The following LCA5 variants were observed in gnomAD, a reference collection of about 807,000 sequenced individuals.
LCA5 encodes the protein lebercilin.
LCA5 carries 37 observed loss-of-function variants against 53.0 expected under a neutral mutation model. That is an observed-to-expected ratio of 0.70 (90% CI 0.54 to 0.92). The LOEUF (loss-of-function observed/expected upper bound fraction) is 0.92. LCA5 is among the 40% of genes least tolerant of loss of function. The pLI is 0.00. For synonymous variants in LCA5, 303 were observed against 282.9 expected (o/e 1.07, Z -0.71); for missense variants, 806 against 790.5 (o/e 1.02, Z -0.23).
At chr6:79,489,770 T>C (rs1306443318) in intron 6 of LCA5, among the ~76,000 whole-genome samples, 2 of 152,238 alleles carry the variant, frequency 1.3e-5, no homozygotes, top group East Asian at 3.9e-4. Flanking sequence ...ATATCTATTA[T>C]TAGTAAAGAC....
At chr6:79,501,427 G>A (rs1409609060) in intron 3 of LCA5, among the ~76,000 whole-genome samples, 1 of 151,980 alleles carries the variant, frequency 6.6e-6, no homozygotes, top group Non-Finnish European at 1.5e-5. Flanking sequence ...TATGCTGAAA[G>A]GAACAGAGCC....
intron 3 of LCA5, among the ~76,000 whole-genome samples, chr6:79,496,446 T>G (rs1769986826): frequency 1.3e-5 from 2 of 152,176 alleles, no homozygotes; most frequent in Non-Finnish European, 2.9e-5. Context: ...GATGGATTAA[T>G]GGATAAACAA....
chr6:79,496,529 C>A (rs576501355), intron 3 of LCA5, among the ~76,000 whole-genome samples: 1 of 152,172 alleles, frequency 6.6e-6, no homozygotes, highest in East Asian at 1.9e-4. Flanking sequence ...TTGATACTTG[C>A]AACATGTTTG....
chr6:79,523,609 A>G (rs557974452), intron 1 of LCA5, among the ~76,000 whole-genome samples: 4 of 152,344 alleles, frequency 2.6e-5, no homozygotes, highest in African/African-American at 9.6e-5. Context: ...TTTGTCAACA[A>G]CTTTCAGTTT....
At chr6:79,526,530 C>T (rs141189333) in intron 1 of LCA5, among the ~76,000 whole-genome samples, 7 of 152,018 alleles carry the variant, frequency 4.6e-5, no homozygotes, top group African/African-American at 1.5e-4. Context: ...GGCGACAGAG[C>T]GAGACACCGT....
At position 79,487,764 on chromosome 6, in the gene LCA5, A is replaced by C. The variant is rs776762166; in HGVS notation, c.1334T>G (p.Met445Arg). The change falls in exon 8 of 8, where the codon ATG becomes AGG. Residue 445 changes from methionine (M) to arginine (R), a missense_variant. By Grantham distance (91) the Met-to-Arg change is moderately conservative (BLOSUM62 -1). Coordinates refer to ENST00000369846, the MANE Select transcript of LCA5 (RefSeq NM_001122769.3). ...EWETGRYQLG[M>R]YPIQNMDKLQ... ...TTTATCCATATTCTGAATTGGATAC[A>C]TTCCTAGTTGGTACCTTCCAGTTTC... The C allele has an allele frequency of 2.5e-6, 4 of 1,613,630 alleles. No homozygotes were observed. The African/African-American group carries it at 4.0e-5, about 16-fold the overall frequency.
chr6:79,499,890 C>T (rs1354751284), intron 3 of LCA5, among the ~76,000 whole-genome samples: 1 of 149,098 alleles, frequency 6.7e-6, no homozygotes, highest in Non-Finnish European at 1.5e-5. Context: ...TGTTCCCCTT[C>T]CTGTGTCCAT....
chr6:79,513,120 C>T lies in LCA5; in HGVS notation c.720+92G>A, dbSNP rs545839762. 4 of 1,261,818 alleles carry T rather than the reference C, an allele frequency of 3.2e-6. No homozygotes were observed. The South Asian group carries it at 3.7e-5, about 12-fold the overall frequency. The allele number at this position is 1,261,818 out of a possible 1,614,324, so 78.2% of individuals were successfully genotyped here. A position where few individuals can be genotyped will look rare whatever the true frequency, so the allele number is the denominator to read the frequency against. ...AATAGTTTTCATTTCCAAGCAAATA[C>T]CAAACTGCAATAAGCAATTTTAAGA... On this transcript the variant is annotated intron_variant, in intron 3 of 7. Coordinates refer to ENST00000369846, the MANE Select transcript of LCA5 (RefSeq NM_001122769.3).
intron 3 of LCA5, among the ~76,000 whole-genome samples, chr6:79,498,656 GT>G (rs1332209643): frequency 6.6e-6 from 1 of 151,962 alleles, no homozygotes; most frequent in East Asian, 1.9e-4. Context: ...ATGAACAATG[GT>G]GACATGCAAG....
intron 3 of LCA5, among the ~76,000 whole-genome samples, chr6:79,508,285 G>T (rs948543485): frequency 1.3e-5 from 2 of 152,080 alleles, no homozygotes; most frequent in Non-Finnish European, 2.9e-5. Flanking sequence ...AGATACCTTT[G>T]GCTGTTTGCC....
intron 3 of LCA5, among the ~76,000 whole-genome samples, chr6:79,495,336 T>G (rs1302934502): frequency 6.6e-6 from 1 of 152,110 alleles, no homozygotes; most frequent in African/African-American, 2.4e-5. Flanking sequence ...ACTAAAGGAC[T>G]TGTATGAAGA....
At chr6:79,514,965 CAT>C (rs543929667) in intron 2 of LCA5, among the ~76,000 whole-genome samples, 4 of 152,086 alleles carry the variant, frequency 2.6e-5, no homozygotes, top group Middle Eastern at 3.4e-3. Context: ...CCCCATAACA[CAT>C]GTTTACCCAT....
chr6:79,515,267 G>A (rs1766392999), intron 2 of LCA5, among the ~76,000 whole-genome samples: 1 of 151,970 alleles, frequency 6.6e-6, no homozygotes, highest in Admixed American at 6.6e-5. Context: ...TTCTCTGTTA[G>A]TAATAAGAAC....
At chr6:79,499,518 T>A (rs912092747) in intron 3 of LCA5, among the ~76,000 whole-genome samples, 1 of 151,990 alleles carries the variant, frequency 6.6e-6, no homozygotes, top group African/African-American at 2.4e-5. Context: ...AGTAGGTACA[T>A]GAATGTTTTA....
At chr6:79,491,804 A>G in intron 5 of LCA5, 74 bp from the exon 6 acceptor site, 1 of 946,492 alleles carries the variant, frequency 1.1e-6, no homozygotes, top group Non-Finnish European at 1.6e-6. Context: ...GCTGGCATGT[A>G]TATATATATA....
At chr6:79,489,321 T>C in intron 6 of LCA5, 105 bp from the exon 7 acceptor site, 1 of 1,167,350 alleles carries the variant, frequency 8.6e-7, no homozygotes, top group Non-Finnish European at 1.2e-6. Flanking sequence ...AAGTTAAAAA[T>C]TAATACAAAT....
At chr6:79,500,468 A>C (rs1242806107) in intron 3 of LCA5, among the ~76,000 whole-genome samples, 1 of 152,226 alleles carries the variant, frequency 6.6e-6, no homozygotes, top group Non-Finnish European at 1.5e-5. Context: ...TGTTAAAATA[A>C]GTCTATCAAT....
intron 2 of LCA5, among the ~76,000 whole-genome samples, chr6:79,518,141 T>C (rs183464374): frequency 6.6e-6 from 1 of 152,190 alleles, no homozygotes; most frequent in Non-Finnish European, 1.5e-5. Context: ...TCCATTCTAG[T>C]AACATTTTAA....
In LCA5 at chr6:79,492,533, C is replaced by A; in HGVS notation, c.955+18G>T. The A allele has an allele frequency of 8.0e-7, 1 of 1,253,206 alleles. No individual in the cohort carries two copies. The highest frequency in any genetic ancestry group is 1.1e-6 in the Non-Finnish European group (1 of 870,566). The allele number at this position is 1,253,206 out of a possible 1,614,324, so 77.6% of individuals were successfully genotyped here. ...AATAGCAATAATATCAGTTTTTGAA[C>A]AATCATATTTACCATACCATTTTTT... is the stretch of plus-strand genomic sequence containing the variant. On this transcript the variant is annotated intron_variant, in intron 5 of 7. Coordinates refer to ENST00000369846, the MANE Select transcript of LCA5 (RefSeq NM_001122769.3).
Sources: gnomAD v4.1 joint callset for allele counts (sites outside exome capture counted in the v4.1 genomes callset) on GRCh38, gnomAD v4.1.1 for gene constraint, MANE v1.5 for transcripts, NCBI Gene and HGNC (gene_info 2026-07-23, HGNC 2026-07-21) for gene names.